The following ATG4A variants were observed in gnomAD, a reference collection of about 807,000 sequenced individuals.
ATG4A encodes autophagy related 4A cysteine peptidase.
A neutral mutation model predicts 38.4 loss-of-function variants in ATG4A; 22 were observed. The ratio of observed to expected loss-of-function variants is 0.57; its 90% confidence interval spans 0.41 to 0.82. The LOEUF (loss-of-function observed/expected upper bound fraction) is 0.82, where lower values mean the gene tolerates loss of function less well. Among genes scored for constraint, ATG4A ranks in the 40% least tolerant of loss-of-function variants. The pLI, the probability that ATG4A is intolerant of heterozygous loss-of-function variation, is 0.00. For synonymous variants in ATG4A, 86 were observed against 100.7 expected (o/e 0.85, Z 0.88); for missense variants, 220 against 290.0 (o/e 0.76, Z 1.75).
At chrX:108,103,396 A>G (rs942377708) in intron 1 of ATG4A, among the ~76,000 whole-genome samples, 8 of 112,228 alleles carry the variant, frequency 7.1e-5, no homozygotes, top group African/African-American at 1.9e-4. Context: ...GTATGGATTT[A>G]TGATCAAGCT....
rs2033649700 is a variant in ATG4A, at chrX:108,153,954, G to A, written c.*242G>A. Reference sequence around the variant, plus strand: ...TGGAGCCTAGGAGCAGAGAGATGAGGAGGAGTTCATTGCTTCCCAGCTTGT... The same window carrying A: ...TGGAGCCTAGGAGCAGAGAGATGAGAAGGAGTTCATTGCTTCCCAGCTTGT... On this transcript the variant is annotated 3_prime_UTR_variant, in exon 13 of 13. Coordinates refer to ENST00000372232, the MANE Select transcript of ATG4A (RefSeq NM_052936.5). 4 of 290,172 alleles carry A rather than the reference G, an allele frequency of 1.4e-5. No homozygotes were observed. The East Asian group carries it at 2.4e-4, about 17-fold the overall frequency. 23.9% of individuals were successfully genotyped at this position (290,172 alleles called of 1,213,427 possible).
At chrX:108,113,551 C>T (rs10127158) in intron 1 of ATG4A, among the ~76,000 whole-genome samples, 1 of 111,069 alleles carries the variant, frequency 9.0e-6, no homozygotes, top group Non-Finnish European at 1.9e-5. Context: ...GGGACTATGG[C>T]ACTATGCATG....
Position 108,134,366 on chromosome X carries a change from C to A in ATG4A, c.422C>A (p.Ser141Ter). ...MAQMGVGEGK[S>*]IGEWFGPNTV... Reference sequence around the variant, plus strand: ...CAAATGGGTGTAGGAGAAGGGAAATCAATTGGAGAATGGTTTGGACCAAAT... The same window carrying A: ...CAAATGGGTGTAGGAGAAGGGAAATAAATTGGAGAATGGTTTGGACCAAAT... Residue 141 changes from serine to a stop codon, truncating the protein, a stop_gained, in exon 6 of 13, where the codon TCA becomes TAA. Transcript: ENST00000372232. LOFTEE classifies it high-confidence loss of function. 8.3e-7 allele frequency: 1 copy of A among 1,210,831 alleles called. No homozygotes were observed. Among genetic ancestry groups the A allele is most frequent in the South Asian group, 1.8e-5 (1 of 56,753 alleles).
upstream of ATG4A, chrX:108,088,949 A>G (rs2031531523): frequency 2.5e-5 from 16 of 629,130 alleles, 1 homozygote; most frequent in South Asian, 5.0e-4. Flanking sequence ...AAAATACGAA[A>G]TGCAGAGCAC....
At chrX:108,114,297 C>T (rs2032445853) in intron 1 of ATG4A, among the ~76,000 whole-genome samples, 1 of 111,539 alleles carries the variant, frequency 9.0e-6, no homozygotes, top group Admixed American at 9.5e-5. Context: ...TTCATTTTCT[C>T]ATTTGATCCT....
At chrX:108,146,675 C>T (rs989808265) in intron 9 of ATG4A, among the ~76,000 whole-genome samples, 1 of 111,627 alleles carries the variant, frequency 9.0e-6, no homozygotes, top group African/African-American at 3.3e-5. Flanking sequence ...ATCTTCTGGA[C>T]CCTCCCAGCT....
intron 1 of ATG4A, among the ~76,000 whole-genome samples, chrX:108,094,731 T>A (rs886374356): frequency 1.8e-5 from 2 of 112,261 alleles, no homozygotes; most frequent in Non-Finnish European, 1.9e-5. Flanking sequence ...ATTCTGTTCT[T>A]CTCTTAATAG....
chrX:108,122,666 T>C (rs1348904057), intron 1 of ATG4A, among the ~76,000 whole-genome samples: 1 of 111,767 alleles, frequency 8.9e-6, no homozygotes. Context: ...CCCCCACTTG[T>C]AAGACTTTAT....
At chrX:108,129,722 C>T (rs375502190) in intron 3 of ATG4A, among the ~76,000 whole-genome samples, 22 of 109,705 alleles carry the variant, frequency 2.0e-4, no homozygotes, top group East Asian at 1.2e-3. Context: ...AGGCGCCCGC[C>T]AACACGCCCG....
chrX:108,123,309 C>G (rs1159323262), intron 1 of ATG4A, among the ~76,000 whole-genome samples: 3 of 112,022 alleles, frequency 2.7e-5, no homozygotes, highest in African/African-American at 9.7e-5. Flanking sequence ...TCATATCAGC[C>G]TGATATCTGG....
At chrX:108,151,764 A>C in intron 10 of ATG4A, 38 bp from the exon 11 acceptor site, 1 of 1,189,486 alleles carries the variant, frequency 8.4e-7, no homozygotes, top group Non-Finnish European at 1.1e-6. Context: ...GCAATACCAA[A>C]GGTAATTCTA....
At chrX:108,141,058 GTGTA>G (rs1387670103) in intron 9 of ATG4A, among the ~76,000 whole-genome samples, 3 of 30,567 alleles carry the variant, frequency 9.8e-5, no homozygotes, top group African/African-American at 2.5e-4. Flanking sequence ...ACATATATAC[GTGTA>G]TATATATACA....
chrX:108,103,271 A>G (rs768608584), intron 1 of ATG4A, among the ~76,000 whole-genome samples: 1 of 111,466 alleles, frequency 9.0e-6, no homozygotes, highest in East Asian at 2.8e-4. Context: ...TGTCTTTGCT[A>G]TTGTAAATAG....
intron 1 of ATG4A, among the ~76,000 whole-genome samples, chrX:108,111,150 C>T (rs780098790): frequency 2.7e-5 from 3 of 111,999 alleles, no homozygotes; most frequent in Non-Finnish European, 5.6e-5. Context: ...GCACTCCCAC[C>T]TCAGCTTCCC....
At chrX:108,103,981 G>A (rs2032097937) in intron 1 of ATG4A, among the ~76,000 whole-genome samples, 1 of 111,180 alleles carries the variant, frequency 9.0e-6, no homozygotes, top group African/African-American at 3.3e-5. Context: ...CGAGTAGCTG[G>A]GATTATAGGT....
intron 1 of ATG4A, among the ~76,000 whole-genome samples, chrX:108,097,591 C>A (rs1475792038): frequency 1.8e-5 from 2 of 112,151 alleles, no homozygotes; most frequent in African/African-American, 6.5e-5. Context: ...TATTAATCAT[C>A]TTGGACAGTG....
chrX:108,091,166 CT>C (rs761155654), upstream of ATG4A, among the ~76,000 whole-genome samples: 1 of 113,597 alleles, frequency 8.8e-6, no homozygotes, highest in Admixed American at 9.2e-5. Context: ...GGTAGACGTT[CT>C]AGAACTATCC....
At chrX:108,141,267 G>A (rs547133344) in intron 9 of ATG4A, among the ~76,000 whole-genome samples, 1 of 104,597 alleles carries the variant, frequency 9.6e-6, no homozygotes, top group African/African-American at 3.5e-5. Context: ...TGGCCACTTT[G>A]TTCATGGGCC....
chrX:108,093,504 A>C (rs1225554130), intron 1 of ATG4A, among the ~76,000 whole-genome samples: 3 of 112,169 alleles, frequency 2.7e-5, no homozygotes, highest in African/African-American at 9.7e-5. Flanking sequence ...TTTGGCTACT[A>C]TGACTAGTGC....
Sources: allele counts gnomAD v4.1 joint callset (sites outside exome capture counted in the v4.1 genomes callset), GRCh38; gene constraint gnomAD v4.1.1; transcripts MANE v1.5; gene names NCBI Gene and HGNC (gene_info 2026-07-23, HGNC 2026-07-21).